ESCO1: variants seen among roughly 807,000 people sequenced by gnomAD.
ESCO1 encodes the protein N-acetyltransferase ESCO1.
ESCO1 carries 33 observed loss-of-function variants against 83.5 expected under a neutral mutation model. That is an observed-to-expected ratio of 0.40 (90% CI 0.30 to 0.53). The LOEUF is 0.53. Ranked by LOEUF, ESCO1 falls within the 20% of genes least tolerant of loss-of-function variation. The probability of loss-of-function intolerance (pLI) is 0.63; values close to 1 mark genes in which losing one functional copy is unlikely to be tolerated. For synonymous variants in ESCO1, 332 were observed against 324.3 expected, an observed-to-expected ratio of 1.02 and a Z score of -0.25; for missense variants, 855 against 968.0, an observed-to-expected ratio of 0.88 and a Z score of 1.55.
At chr18:21,558,131 G>A (rs928404261) in intron 8 of ESCO1, among the ~76,000 whole-genome samples, 18 of 151,652 alleles carry the variant, frequency 1.2e-4, no homozygotes, top group Non-Finnish European at 1.9e-4. Flanking sequence ...GACTACAGGC[G>A]CATGCCACCA....
At chr18:21,535,912 T>C (rs2037831057) in intron 10 of ESCO1, 130 bp downstream of exon 10, 2 of 1,086,712 alleles carry the variant, frequency 1.8e-6, no homozygotes, top group African/African-American at 1.6e-5. Flanking sequence ...GACTCACACA[T>C]GGGAATTCTT....
In ESCO1 at chr18:21,560,920, G is replaced by C; in HGVS notation, c.1892C>G (p.Pro631Arg). Residue 631 changes from proline to arginine, a missense_variant, in exon 8 of 12, where the codon CCA (proline) becomes CGA (arginine). By Grantham distance (103) the Pro-to-Arg change is moderately radical (BLOSUM62 -2). This residue lies in a region of ESCO1 where 129 missense variants were observed against 268.5 expected (regional missense o/e 0.48). Coordinates refer to ENST00000269214, the MANE Select transcript of ESCO1 (RefSeq NM_052911.3). ...VCGMLYTASN[P>R]EDETQHLLFH... Reference sequence around the variant, plus strand: ...AAGCAGATGCTGTGTTTCATCTTCTGGATTTGAAGCTGTATACAGCATTCC... The same window carrying C: ...AAGCAGATGCTGTGTTTCATCTTCTCGATTTGAAGCTGTATACAGCATTCC... 1 of 1,608,668 alleles carries C rather than the reference G, an allele frequency of 6.2e-7. No homozygotes were observed. Among genetic ancestry groups the C allele is most frequent in the Non-Finnish European group, 8.5e-7 (1 of 1,178,212 alleles).
intron 8 of ESCO1, among the ~76,000 whole-genome samples, chr18:21,556,491 C>T (rs754471856): frequency 1.3e-5 from 2 of 152,162 alleles, no homozygotes. Context: ...TAACTTCTTT[C>T]CTCAACTTTC....
intron 8 of ESCO1, among the ~76,000 whole-genome samples, chr18:21,545,613 G>A (rs1043047665): frequency 6.6e-6 from 1 of 151,336 alleles, no homozygotes; most frequent in Non-Finnish European, 1.5e-5. Context: ...TAGAAAAATA[G>A]GCATTTCAAT....
chr18:21,541,293 A>C (rs1194390047), intron 8 of ESCO1, among the ~76,000 whole-genome samples: 1 of 152,138 alleles, frequency 6.6e-6, no homozygotes, highest in Non-Finnish European at 1.5e-5. Flanking sequence ...CTTCAACGTA[A>C]ATAAGGTTTT....
intron 1 of ESCO1, among the ~76,000 whole-genome samples, chr18:21,593,802 C>T (rs1166665122): frequency 1.0e-5 from 1 of 96,876 alleles, no homozygotes; most frequent in Non-Finnish European, 2.0e-5. Context: ...TGGCCACAGG[C>T]ACCTCCTTTA....
chr18:21,540,506 A>T (rs2037892056), intron 8 of ESCO1: 1 of 1,138,930 alleles, frequency 8.8e-7, no homozygotes, highest in South Asian at 1.9e-5. Context: ...CCAGTATGAA[A>T]GGAATAGTCT....
intron 4 of ESCO1, among the ~76,000 whole-genome samples, chr18:21,571,409 G>C (rs1007446025): frequency 1.3e-5 from 2 of 152,040 alleles, no homozygotes; most frequent in African/African-American, 4.8e-5. Flanking sequence ...AGCTGGTCTC[G>C]AACTCCTGAC....
chr18:21,596,872 A>G (rs1347723564), intron 1 of ESCO1: 4 of 152,180 alleles, frequency 2.6e-5, no homozygotes, highest in African/African-American at 9.7e-5. Context: ...TCGCTTAACT[A>G]CTTGCCAACT....
At chr18:21,594,590 G>T (rs1354781556) in intron 1 of ESCO1, among the ~76,000 whole-genome samples, 1 of 151,986 alleles carries the variant, frequency 6.6e-6, no homozygotes, top group East Asian at 1.9e-4. Flanking sequence ...TGTAGTCCCA[G>T]CTACTCGGGA....
chr18:21,582,809 T>C (rs1279357308), intron 2 of ESCO1, among the ~76,000 whole-genome samples: 3 of 152,264 alleles, frequency 2.0e-5, no homozygotes, highest in African/African-American at 7.2e-5. Flanking sequence ...GGTAAATGTT[T>C]GTGTCAGGTA....
chr18:21,556,732 G>A (rs1030208995), intron 8 of ESCO1, among the ~76,000 whole-genome samples: 11 of 151,608 alleles, frequency 7.3e-5, no homozygotes, highest in Admixed American at 6.6e-4. Context: ...ATGGAGTCTC[G>A]CTATGCTGCC....
intron 10 of ESCO1, among the ~76,000 whole-genome samples, chr18:21,534,580 C>CT (rs1160563618): frequency 6.6e-6 from 1 of 151,260 alleles, no homozygotes; most frequent in South Asian, 2.1e-4. Context: ...CACAAGATAA[C>CT]TACTCATTCA....
At chr18:21,586,957 T>C (rs1429760422) in intron 1 of ESCO1, among the ~76,000 whole-genome samples, 1 of 152,208 alleles carries the variant, frequency 6.6e-6, no homozygotes, top group East Asian at 1.9e-4. Context: ...GAAAGGATAT[T>C]TCATTTTGTC....
intron 10 of ESCO1, among the ~76,000 whole-genome samples, chr18:21,534,277 G>C (rs1430032926): frequency 6.6e-6 from 1 of 152,136 alleles, no homozygotes; most frequent in Non-Finnish European, 1.5e-5. Context: ...CATCGCCAAG[G>C]TCTTATTTTT....
chr18:21,585,867 A>G (rs900846238), intron 1 of ESCO1, among the ~76,000 whole-genome samples: 14 of 152,188 alleles, frequency 9.2e-5, no homozygotes, highest in African/African-American at 3.4e-4. Context: ...TGCTAGGATT[A>G]CAGGTGTTTG....
At chr18:21,587,168 T>C (rs748455616) in intron 1 of ESCO1, among the ~76,000 whole-genome samples, 1 of 152,224 alleles carries the variant, frequency 6.6e-6, no homozygotes, top group Non-Finnish European at 1.5e-5. Context: ...TGTGTGGACA[T>C]ATTCATAAGA....
At chr18:21,569,290 A>C (rs1308950578) in intron 4 of ESCO1, among the ~76,000 whole-genome samples, 4 of 152,258 alleles carry the variant, frequency 2.6e-5, no homozygotes, top group African/African-American at 9.6e-5. Flanking sequence ...ATACTCAATT[A>C]GTAAATAACA....
chr18:21,573,816 T>A lies in ESCO1; in HGVS notation c.1028A>T (p.Glu343Val). 6.2e-7 allele frequency: 1 copy of A among 1,614,092 alleles called. No individual in the cohort carries two copies. The change falls in exon 4 of 12, where the codon GAG becomes GTG. Residue 343 changes from glutamate (E) to valine (V), a missense_variant. Around this residue, in one of 2 missense-constraint regions of ESCO1, gnomAD observed 726 missense variants for 699.5 expected, o/e 1.04. Transcript: ENST00000269214. Reference protein sequence around the residue: ...EEKPTEIKLEETSVERQILHQ... With the variant: ...EEKPTEIKLEVTSVERQILHQ... ...AAGTATTTGTCTTTCAACACTGGTC[T>A]CTTCCAATTTTATTTCTGTGGGCTT... is the stretch of plus-strand genomic sequence containing the variant.
Sources: gnomAD v4.1 joint callset for allele counts (sites outside exome capture counted in the v4.1 genomes callset) on GRCh38, gnomAD v4.1.1 for gene constraint, gnomAD v4.1.1 regional missense constraint, MANE v1.5 for transcripts, NCBI Gene and HGNC (gene_info 2026-07-23, HGNC 2026-07-21) for gene names.